Variants in CHD1 observed in about 807,000 individuals in gnomAD.
CHD1 encodes ATP-dependent chromatin remodeler CHD1.
In CHD1, 36 loss-of-function variants were observed where a neutral mutation model predicts 224.2. The observed-to-expected ratio is 0.16, with a 90% CI of 0.12 to 0.21. The LOEUF is 0.21. CHD1 is among the 10% of genes least tolerant of loss of function. The probability of loss-of-function intolerance (pLI) is 1.00; values close to 1 mark genes in which losing one functional copy is unlikely to be tolerated. For missense variants in CHD1, 1,378 were observed against 1,994.8 expected (o/e 0.69, Z 5.89); for synonymous variants, 668 against 658.3 (o/e 1.01, Z -0.23).
chr5:98,911,146 A>ATATATATATATATATAT (rs1554081078), intron 2 of CHD1, among the ~76,000 whole-genome samples: 33 of 39,094 alleles, frequency 8.4e-4, no homozygotes, highest in Admixed American at 1.2e-3. Flanking sequence ...AAAAAAAAAA[A>ATATATATATATATATAT]ATATATATAT....
At chr5:98,859,110 CT>C in intron 33 of CHD1, 95 bp from the exon 34 acceptor site, 2 of 876,886 alleles carry the variant, frequency 2.3e-6, no homozygotes, top group Non-Finnish European at 3.6e-6. Flanking sequence ...ATAATGAAGT[CT>C]TCACACAAGA....
intron 16 of CHD1, 46 bp downstream of exon 16, chr5:98,889,030 A>G (rs1268023514): frequency 1.4e-5 from 19 of 1,357,716 alleles, no homozygotes; most frequent in Non-Finnish European, 1.9e-5. Flanking sequence ...TGAAATCAAC[A>G]TTTCTAGAAC....
rs1753697694 is a variant in CHD1, at chr5:98,928,860, G to C, written c.-470C>G. ...GCGCTCCCGCTCCCTCCGCTTATCTGCCCCCGGCAGCCGCCATGACGCCGA... is the reference window on the plus strand; with the variant it reads ...GCGCTCCCGCTCCCTCCGCTTATCTCCCCCCGGCAGCCGCCATGACGCCGA... On this transcript the variant is annotated 5_prime_UTR_variant, in exon 1 of 36. Transcript: ENST00000614616. The C allele has an allele frequency of 1.3e-5, 2 of 154,748 alleles. No individual in the cohort carries two copies. The highest frequency in any genetic ancestry group is 6.6e-5 in the Admixed American group (1 of 15,166). 9.6% of individuals were successfully genotyped at this position (154,748 alleles called of 1,614,324 possible).
At chr5:98,884,162 C>T (rs1750460404) in intron 18 of CHD1, among the ~76,000 whole-genome samples, 1 of 151,336 alleles carries the variant, frequency 6.6e-6, no homozygotes, top group Admixed American at 6.6e-5. Context: ...CAAGCTCCGC[C>T]TCCCGGGTTC....
At chr5:98,858,478 A>G (rs1561473969) in intron 34 of CHD1, 88 bp from the exon 35 acceptor site, 1 of 1,077,340 alleles carries the variant, frequency 9.3e-7, no homozygotes, top group Non-Finnish European at 1.4e-6. Flanking sequence ...ATTCGTTTCA[A>G]CCCTTGCCAA....
Position 98,894,752 on chromosome 5 carries a change from A to G in CHD1, c.1711-66T>C, listed in dbSNP as rs576493550. ...AAGCAAATTATACTTTTACTTACATATCTAAAAATTAAAATCCATTCAAAT... is the reference window on the plus strand; with the variant it reads ...AAGCAAATTATACTTTTACTTACATGTCTAAAAATTAAAATCCATTCAAAT... On this transcript the variant is annotated intron_variant, in intron 12 of 35. Coordinates refer to ENST00000614616, the MANE Select transcript of CHD1 (RefSeq NM_001270.4). 2.8e-5 allele frequency: 19 copies of G among 667,830 alleles called. No homozygotes were observed. In the East Asian group the frequency reaches 5.3e-4, roughly 19 times the overall value. 41.4% of individuals were successfully genotyped at this position (667,830 alleles called of 1,614,324 possible).
intron 28 of CHD1, 53 bp downstream of exon 28, chr5:98,871,998 G>A: frequency 7.0e-7 from 1 of 1,430,640 alleles, no homozygotes; most frequent in South Asian, 1.5e-5. Flanking sequence ...GCAAGAATTA[G>A]AATAAATTAA....
Position 98,896,969 on chromosome 5 carries a change from T to C in CHD1, c.1493+224A>G, listed in dbSNP as rs547555227. Among the ~76,000 whole-genome samples the C allele has an allele frequency of 2.0e-5, 3 of 152,236 alleles. No individual in the cohort carries two copies. The East Asian group carries it at 5.8e-4, about 29-fold the overall frequency. ...TATGCATTTTGATTTTTAAACTGAA[T>C]AAAAACATATTTTAAAAAGGCAACA... On this transcript the variant is annotated intron_variant, in intron 11 of 35. Transcript: ENST00000614616.
At chr5:98,890,218 C>A (rs1750925071) in intron 15 of CHD1, among the ~76,000 whole-genome samples, 1 of 152,160 alleles carries the variant, frequency 6.6e-6, no homozygotes, top group South Asian at 2.1e-4. Context: ...ATGACCTTTT[C>A]CACCTTTTAT....
chr5:98,879,971 G>C (rs1282615021), intron 22 of CHD1, among the ~76,000 whole-genome samples: 1 of 152,096 alleles, frequency 6.6e-6, no homozygotes, highest in Non-Finnish European at 1.5e-5. Context: ...AAAATTAGTA[G>C]CATCACAGAA....
At position 98,928,500 on chromosome 5, in the gene CHD1, TCCGCCACATCCTGACCCGC is replaced by T. The variant is rs1011707522; in HGVS notation, c.-149+20_-149+38del. 6.6e-6 allele frequency: 1 copy of T among 150,784 alleles called. No homozygotes were observed. The highest frequency in any genetic ancestry group is 2.4e-5 in the African/African-American group (1 of 40,848). The allele number at this position is 150,784 out of a possible 1,614,324, so 9.3% of individuals were successfully genotyped here. On this transcript the variant is annotated intron_variant, in intron 1 of 35. Transcript: ENST00000614616. ...CTCCGCCCGGCCGGTTCCTGTCCTC[TCCGCCACATCCTGACCCGC>T]CCGCCGCCCCCTTTCTTACCGGCGG... is the stretch of plus-strand genomic sequence containing the variant.
At chr5:98,909,577 CATCA>C (rs1326062779) in intron 2 of CHD1, among the ~76,000 whole-genome samples, 10 of 152,022 alleles carry the variant, frequency 6.6e-5, no homozygotes, top group African/African-American at 2.4e-4. Flanking sequence ...AAAATGGTGA[CATCA>C]TTCATCAGTT....
Position 98,895,656 on chromosome 5 carries a change from G to C in CHD1, c.1710+570C>G, listed in dbSNP as rs1751296272. Among the ~76,000 whole-genome samples the C allele has an allele frequency of 3.3e-5, 5 of 151,588 alleles. No homozygotes were observed. The South Asian group carries it at 1.0e-3, about 32-fold the overall frequency. On this transcript the variant is annotated intron_variant, in intron 12 of 35. Transcript: ENST00000614616. ...TAATGCCAGCTACTTGGAAGGGTGAGGCAGAAGAATCACTTGAACCTGGGA... is the reference window on the plus strand; with the variant it reads ...TAATGCCAGCTACTTGGAAGGGTGACGCAGAAGAATCACTTGAACCTGGGA...
At chr5:98,879,820 G>C in intron 22 of CHD1, 92 bp from the exon 23 acceptor site, 2 of 734,900 alleles carry the variant, frequency 2.7e-6, no homozygotes, top group Non-Finnish European at 4.5e-6. Context: ...TGCTCCTTAG[G>C]ATAATGAACA....
At chr5:98,858,411 T>G (rs2112443993) in intron 34 of CHD1, 21 bp from the exon 35 acceptor site, 1 of 1,578,770 alleles carries the variant, frequency 6.3e-7, no homozygotes, top group Non-Finnish European at 8.7e-7. Flanking sequence ...AGTACAACTT[T>G]TATTAATGAC....
chr5:98,868,879 C>A (rs1749106331), intron 30 of CHD1: 1 of 468,144 alleles, frequency 2.1e-6, no homozygotes. Context: ...CTATTCTCCT[C>A]TACTGCATAC....
chr5:98,916,580 A>G (rs1752753132), intron 2 of CHD1, among the ~76,000 whole-genome samples: 2 of 151,660 alleles, frequency 1.3e-5, no homozygotes, highest in Admixed American at 6.6e-5. Context: ...AGGTTTAAAA[A>G]TATTTATATG....
chr5:98,889,774 G>A (rs1388382088), intron 15 of CHD1: 1 of 152,130 alleles, frequency 6.6e-6, no homozygotes, highest in African/African-American at 2.4e-5. Flanking sequence ...GACCAATACA[G>A]AGATTAGAAT....
At position 98,903,893 on chromosome 5, in the gene CHD1, G is replaced by A. The variant is rs747828889; in HGVS notation, c.271C>T (p.Pro91Ser). The part of the protein sequence containing the change: ...VDGAEFWKSS[P>S]SILAVQRSAI... ...GATCTCTGAACGGCCAGAATACTAG[G>A]ACTAGATTTCCAAAACTATAATAGA... is the stretch of plus-strand genomic sequence containing the variant. Residue 91 changes from proline (P) to serine (S), a missense_variant, in exon 4 of 36, where the codon CCT (proline) becomes TCT (serine). Transcript: ENST00000614616. The A allele has an allele frequency of 6.2e-6, 10 of 1,600,962 alleles. No individual in the cohort carries two copies. In the South Asian group the frequency reaches 1.0e-4, roughly 16 times the overall value.
Sources: allele counts gnomAD v4.1 joint callset (sites outside exome capture counted in the v4.1 genomes callset), GRCh38; gene constraint gnomAD v4.1.1; transcripts MANE v1.5; gene names NCBI Gene and HGNC (gene_info 2026-07-23, HGNC 2026-07-21).